The following GALNTL6 variants were observed in gnomAD, a reference collection of about 807,000 sequenced individuals.
The protein encoded by GALNTL6 is polypeptide N-acetylgalactosaminyltransferase-like 6.
GALNTL6 carries 46 observed loss-of-function variants against 73.7 expected under a neutral mutation model. That is an observed-to-expected ratio of 0.62 (90% CI 0.49 to 0.80). The LOEUF (loss-of-function observed/expected upper bound fraction) is 0.80, where lower values mean the gene tolerates loss of function less well. Among genes scored for constraint, GALNTL6 ranks in the 30% least tolerant of loss-of-function variants. The probability of loss-of-function intolerance (pLI) is 0.00; values close to 1 mark genes in which losing one functional copy is unlikely to be tolerated. For missense variants in GALNTL6, 604 were observed against 755.0 expected, an observed-to-expected ratio of 0.80 and a Z score of 2.34; for synonymous variants, 259 against 263.7, an observed-to-expected ratio of 0.98 and a Z score of 0.17.
At chr4:172,686,408 T>C (rs1732920923) in intron 5 of GALNTL6, among the ~76,000 whole-genome samples, 1 of 152,180 alleles carries the variant, frequency 6.6e-6, no homozygotes. Context: ...CTGGCTCTGG[T>C]GTTCATGGAA....
chr4:172,951,627 C>G (rs557561432), intron 9 of GALNTL6, among the ~76,000 whole-genome samples: 2 of 152,316 alleles, frequency 1.3e-5, no homozygotes, highest in South Asian at 4.1e-4. Flanking sequence ...TTCCAAGATT[C>G]TTGTTTCTGG....
chr4:172,436,819 A>T (rs1005666055), intron 5 of GALNTL6, among the ~76,000 whole-genome samples: 2 of 152,070 alleles, frequency 1.3e-5, no homozygotes, highest in African/African-American at 4.8e-5. Flanking sequence ...CTCCTCCTTT[A>T]TTCAACTTTA....
intron 2 of GALNTL6, among the ~76,000 whole-genome samples, chr4:171,987,052 T>C (rs1740119074): frequency 6.6e-6 from 1 of 151,684 alleles, no homozygotes; most frequent in Admixed American, 6.6e-5. Flanking sequence ...GGGGGCACAG[T>C]CTAAGTTGTT....
chr4:172,076,922 T>C (rs1446850853), intron 2 of GALNTL6, among the ~76,000 whole-genome samples: 1 of 152,338 alleles, frequency 6.6e-6, no homozygotes, highest in African/African-American at 2.4e-5. Flanking sequence ...GGCAAATTGC[T>C]ATTCTCATGA....
chr4:171,958,468 T>G (rs1200657136), intron 2 of GALNTL6, among the ~76,000 whole-genome samples: 1 of 152,160 alleles, frequency 6.6e-6, no homozygotes, highest in African/African-American at 2.4e-5. Flanking sequence ...TCAATAAGTA[T>G]ATTTTAAAAA....
chr4:172,518,027 C>T (rs928184965), intron 5 of GALNTL6, among the ~76,000 whole-genome samples: 1 of 151,894 alleles, frequency 6.6e-6, no homozygotes. Flanking sequence ...CCAAAACAGT[C>T]TCAATGTCAC....
intron 2 of GALNTL6, among the ~76,000 whole-genome samples, chr4:172,102,856 G>T (rs1466906726): frequency 6.6e-6 from 1 of 152,132 alleles, no homozygotes; most frequent in Non-Finnish European, 1.5e-5. Context: ...GGAACACAAG[G>T]CTCCTGCAGT....
chr4:172,031,795 T>G (rs1323459203), intron 2 of GALNTL6, among the ~76,000 whole-genome samples: 1 of 152,026 alleles, frequency 6.6e-6, no homozygotes, highest in Non-Finnish European at 1.5e-5. Flanking sequence ...GTTGAAATCT[T>G]AATTCCAGTT....
intron 5 of GALNTL6, among the ~76,000 whole-genome samples, chr4:172,544,661 G>A (rs1162587451): frequency 1.3e-5 from 2 of 151,974 alleles, no homozygotes; most frequent in Non-Finnish European, 2.9e-5. Context: ...GATTCTTTTG[G>A]TATTTAAAAT....
At chr4:172,417,555 A>G (rs1315387261) in intron 5 of GALNTL6, among the ~76,000 whole-genome samples, 5 of 152,152 alleles carry the variant, frequency 3.3e-5, no homozygotes, top group Non-Finnish European at 7.3e-5. Context: ...AAGCTGAGGC[A>G]AGAGAATTGC....
chr4:173,001,657 C>T (rs2126477604), intron 10 of GALNTL6, among the ~76,000 whole-genome samples: 1 of 152,214 alleles, frequency 6.6e-6, no homozygotes, highest in South Asian at 2.1e-4. Context: ...ATTTTCAAAA[C>T]TCCTTAAACA....
intron 8 of GALNTL6, among the ~76,000 whole-genome samples, chr4:172,918,012 A>G (rs1256356203): frequency 6.6e-6 from 1 of 152,218 alleles, no homozygotes; most frequent in Non-Finnish European, 1.5e-5. Flanking sequence ...ATGTCCATCA[A>G]TGATAGACTG....
intron 2 of GALNTL6, among the ~76,000 whole-genome samples, chr4:171,927,792 AC>A (rs2110990876): frequency 6.6e-6 from 1 of 152,286 alleles, no homozygotes; most frequent in African/African-American, 2.4e-5. Context: ...ATTCCACTGC[AC>A]AGCCCCTGCA....
At chr4:172,677,958 T>C (rs546143334) in intron 5 of GALNTL6, among the ~76,000 whole-genome samples, 2 of 152,248 alleles carry the variant, frequency 1.3e-5, no homozygotes, top group Non-Finnish European at 2.9e-5. Flanking sequence ...AAAGTTCAAA[T>C]TGCATTTAAG....
chr4:172,521,520 G>T (rs1013273390), intron 5 of GALNTL6, among the ~76,000 whole-genome samples: 2 of 152,238 alleles, frequency 1.3e-5, no homozygotes, highest in Admixed American at 6.5e-5. Flanking sequence ...ATGAAAGAAG[G>T]TACCCTTTAG....
At chr4:171,901,028 A>G (rs967620178) in intron 2 of GALNTL6, among the ~76,000 whole-genome samples, 2 of 152,186 alleles carry the variant, frequency 1.3e-5, no homozygotes, top group Admixed American at 6.5e-5. Flanking sequence ...TAATAAAGGA[A>G]GACAAATAGA....
chr4:172,011,051 T>A (rs7661853), intron 2 of GALNTL6, among the ~76,000 whole-genome samples: 142,382 of 152,144 alleles, frequency 0.94, 66,918 homozygotes, highest in East Asian at 1. Flanking sequence ...TATACTACTA[T>A]AAGAAATTTT....
chr4:172,207,012 T>C (rs865810228), intron 2 of GALNTL6, among the ~76,000 whole-genome samples: 3 of 150,166 alleles, frequency 2.0e-5, no homozygotes, highest in Middle Eastern at 3.5e-3. Context: ...AGAGGCGGGG[T>C]TTCACCATGT....
chr4:171,957,742 A>G (rs1284686255), intron 2 of GALNTL6, among the ~76,000 whole-genome samples: 1 of 152,210 alleles, frequency 6.6e-6, no homozygotes, highest in African/African-American at 2.4e-5. Context: ...AGAAGTCAAC[A>G]GGTAAAGAGC....
Sources: allele counts gnomAD v4.1 joint callset (sites outside exome capture counted in the v4.1 genomes callset), GRCh38; gene constraint gnomAD v4.1.1; transcripts MANE v1.5; gene names NCBI Gene and HGNC (gene_info 2026-07-23, HGNC 2026-07-21).